Variants in ANKFN1 observed in about 807,000 individuals in gnomAD.
ANKFN1 encodes the protein ankyrin repeat and fibronectin type III domain containing 1, also known as ankyrin repeat and fibronectin type-III domain-containing protein 1.
ANKFN1 carries 74 observed loss-of-function variants against 108.7 expected under a neutral mutation model. The ratio of observed to expected loss-of-function variants is 0.68; its 90% CI spans 0.56 to 0.83. The LOEUF is 0.83. Among genes scored for constraint, ANKFN1 ranks in the 40% least tolerant of loss-of-function variants. The pLI, the probability that ANKFN1 is intolerant of heterozygous loss-of-function variation, is 0.00. For missense variants in ANKFN1, 1,505 were observed against 1,382.3 expected (o/e 1.09, Z -1.41); for synonymous variants, 547 against 516.2 (o/e 1.06, Z -0.81).
At chr17:56,473,957 T>C (rs2050413407) in intron 15 of ANKFN1, among the ~76,000 whole-genome samples, 2 of 152,180 alleles carry the variant, frequency 1.3e-5, no homozygotes, top group Admixed American at 1.3e-4. Context: ...CTCTTACCTA[T>C]CCTATATTTG....
chr17:56,136,747 C>A (rs937936140), intron 4 of ANKFN1, among the ~76,000 whole-genome samples: 7 of 152,106 alleles, frequency 4.6e-5, no homozygotes, highest in African/African-American at 1.4e-4. Context: ...ATATATGCAA[C>A]CTTCTAGATA....
At chr17:56,270,228 C>T (rs1300644762) in intron 3 of ANKFN1, among the ~76,000 whole-genome samples, 14 of 152,068 alleles carry the variant, frequency 9.2e-5, no homozygotes, top group Admixed American at 5.9e-4. Flanking sequence ...GCAGAGTCTC[C>T]GAGGCTCCAT....
At chr17:56,285,523 C>G (rs1451930133) in intron 3 of ANKFN1, among the ~76,000 whole-genome samples, 1 of 152,150 alleles carries the variant, frequency 6.6e-6, no homozygotes, top group Non-Finnish European at 1.5e-5. Flanking sequence ...GCAATTCACC[C>G]TCTCAGTTAA....
chr17:56,498,706 A>G (rs533011579), intron 19 of ANKFN1, among the ~76,000 whole-genome samples, 176 bp from the exon 20 acceptor site: 2 of 152,318 alleles, frequency 1.3e-5, no homozygotes, highest in South Asian at 4.1e-4. Context: ...TACGCAAAAC[A>G]AAAAATATTA....
intron 3 of ANKFN1, among the ~76,000 whole-genome samples, chr17:56,316,552 G>T (rs557276965): frequency 6.6e-6 from 1 of 152,066 alleles, no homozygotes; most frequent in African/African-American, 2.4e-5. Context: ...GTTAGCCAAG[G>T]GTAGAGGACC....
chr17:56,495,640 C>T (rs981481269), intron 19 of ANKFN1, among the ~76,000 whole-genome samples: 1 of 152,144 alleles, frequency 6.6e-6, no homozygotes, highest in Non-Finnish European at 1.5e-5. Flanking sequence ...GCTTTATAGA[C>T]AGCACATGCA....
At chr17:56,101,504 A>G (rs543927491) in intron 4 of ANKFN1, among the ~76,000 whole-genome samples, 1 of 152,362 alleles carries the variant, frequency 6.6e-6, no homozygotes, top group South Asian at 2.1e-4. Flanking sequence ...TACTTTAATG[A>G]AGTATTTCTT....
chr17:56,065,216 A>G (rs1905041791), intron 4 of ANKFN1, among the ~76,000 whole-genome samples: 1 of 152,014 alleles, frequency 6.6e-6, no homozygotes, highest in Non-Finnish European at 1.5e-5. Flanking sequence ...TTTTCTCCTG[A>G]AGCTTCTTCA....
At chr17:56,103,001 G>A (rs1362766259) in intron 4 of ANKFN1, among the ~76,000 whole-genome samples, 1 of 152,214 alleles carries the variant, frequency 6.6e-6, no homozygotes, top group Non-Finnish European at 1.5e-5. Context: ...ATAGTATGCA[G>A]CAAAATATGT....
At chr17:56,363,401 T>A (rs559070516) in intron 6 of ANKFN1, among the ~76,000 whole-genome samples, 35 of 152,246 alleles carry the variant, frequency 2.3e-4, no homozygotes, top group Non-Finnish European at 4.3e-4. Flanking sequence ...TCAGACTGGC[T>A]ATTATCAAAA....
At chr17:56,423,400 G>C (rs192659216) in intron 8 of ANKFN1, among the ~76,000 whole-genome samples, 18 of 152,272 alleles carry the variant, frequency 1.2e-4, no homozygotes, top group African/African-American at 4.3e-4. Context: ...AAGAACAGCA[G>C]AGCTTGTAAG....
intron 6 of ANKFN1, among the ~76,000 whole-genome samples, chr17:56,366,377 A>G (rs1055919677): frequency 2.0e-5 from 3 of 152,180 alleles, no homozygotes; most frequent in African/African-American, 7.2e-5. Flanking sequence ...GAAGCTGTCC[A>G]TCTATGCTAA....
intron 3 of ANKFN1, among the ~76,000 whole-genome samples, chr17:56,281,020 C>T (rs2044067986): frequency 6.6e-6 from 1 of 151,356 alleles, no homozygotes; most frequent in Non-Finnish European, 1.5e-5. Context: ...TGAGATGGGC[C>T]TTTCACCTTC....
rs931525279 is a variant in ANKFN1 at position 56,174,285 on chromosome 17, A to G, written c.-71+20755A>G. 6.1e-6 allele frequency: 6 copies of G among 985,574 alleles called. No individual in the cohort carries two copies. The South Asian group carries it at 1.9e-4, about 31-fold the overall frequency. 61.1% of individuals were successfully genotyped at this position (985,574 alleles called of 1,614,324 possible). On this transcript the variant is annotated intron_variant, in intron 1 of 20. Transcript: ENST00000682825. ...CCTCCAGAGACACTCTTCACTGCAAAGCCTCAGGCAGCCTAGCCAGGGGAC... is the reference window on the plus strand; with the variant it reads ...CCTCCAGAGACACTCTTCACTGCAAGGCCTCAGGCAGCCTAGCCAGGGGAC...
intron 3 of ANKFN1, among the ~76,000 whole-genome samples, chr17:56,232,005 A>G (rs1056432630): frequency 6.6e-6 from 1 of 152,096 alleles, no homozygotes; most frequent in African/African-American, 2.4e-5. Flanking sequence ...TCTTTCGCTA[A>G]CCTGAGATAA....
At chr17:56,443,336 A>G (rs2049176910) in intron 10 of ANKFN1, among the ~76,000 whole-genome samples, 1 of 152,194 alleles carries the variant, frequency 6.6e-6, no homozygotes, top group South Asian at 2.1e-4. Context: ...ACTGCACTCC[A>G]GCCTGGGTGA....
At chr17:56,187,206 C>T (rs1201743162) in intron 1 of ANKFN1, among the ~76,000 whole-genome samples, 1 of 152,096 alleles carries the variant, frequency 6.6e-6, no homozygotes, top group East Asian at 1.9e-4. Flanking sequence ...GGCTAATATC[C>T]AGAATCTAAA....
At chr17:56,223,116 G>A (rs1380217587) in intron 2 of ANKFN1, among the ~76,000 whole-genome samples, 3 of 152,116 alleles carry the variant, frequency 2.0e-5, no homozygotes, top group African/African-American at 7.2e-5. Context: ...AAATTATCTA[G>A]CATGAGCTTG....
At chr17:56,124,086 A>G (rs796689817) in intron 4 of ANKFN1, among the ~76,000 whole-genome samples, 12 of 152,262 alleles carry the variant, frequency 7.9e-5, no homozygotes, top group African/African-American at 2.9e-4. Context: ...AACAAACTCT[A>G]AGGTCCATGT....
Sources: gnomAD v4.1 joint callset for allele counts (sites outside exome capture counted in the v4.1 genomes callset) on GRCh38, gnomAD v4.1.1 for gene constraint, MANE v1.5 for transcripts, NCBI Gene and HGNC (gene_info 2026-07-23, HGNC 2026-07-21) for gene names.